BIRC6: variants seen among roughly 807,000 people sequenced by gnomAD.
BIRC6 encodes the protein baculoviral IAP repeat containing 6.
In BIRC6, 98 loss-of-function variants were observed where a neutral mutation model predicts 503.3. The ratio of observed to expected loss-of-function variants is 0.19; its 90% CI spans 0.17 to 0.23. The LOEUF is 0.23. Ranked by LOEUF, BIRC6 falls within the 10% of genes least tolerant of loss-of-function variation. BIRC6 has a pLI of 1.00. For missense variants in BIRC6, 5,360 were observed against 5,806.0 expected (o/e 0.92, Z 2.50); for synonymous variants, 2,240 against 2,078.7 (o/e 1.08, Z -2.11).
chr2:32,387,522 A>G (rs1226373906), intron 3 of BIRC6, among the ~76,000 whole-genome samples: 1 of 152,178 alleles, frequency 6.6e-6, no homozygotes, highest in African/African-American at 2.4e-5. Flanking sequence ...GTCTAACTTC[A>G]GTAATTGTTG....
chr2:32,589,704 A>G (rs2061288258), intron 66 of BIRC6, among the ~76,000 whole-genome samples: 1 of 152,140 alleles, frequency 6.6e-6, no homozygotes, highest in Non-Finnish European at 1.5e-5. Context: ...ATTTATTTTA[A>G]CATCTCTTCT....
At chr2:32,539,473 C>G (rs540413296) in intron 61 of BIRC6, among the ~76,000 whole-genome samples, 5 of 152,226 alleles carry the variant, frequency 3.3e-5, no homozygotes, top group Non-Finnish European at 7.4e-5. Flanking sequence ...AAAATCAAAC[C>G]CAGTATGTTC....
At chr2:32,393,467 C>T (rs1038959306) in intron 5 of BIRC6, among the ~76,000 whole-genome samples, 4 of 152,178 alleles carry the variant, frequency 2.6e-5, no homozygotes, top group Non-Finnish European at 5.9e-5. Context: ...TCTAAGAAAT[C>T]TAATACTTAT....
chr2:32,381,637 G>A (rs1234356532), intron 3 of BIRC6, among the ~76,000 whole-genome samples: 1 of 148,242 alleles, frequency 6.7e-6, no homozygotes, highest in Non-Finnish European at 1.5e-5. Flanking sequence ...CCTCCGCCTC[G>A]TGGATTCAAG....
intron 38 of BIRC6, among the ~76,000 whole-genome samples, chr2:32,481,679 T>A (rs890192929): frequency 6.6e-6 from 1 of 151,584 alleles, no homozygotes; most frequent in Non-Finnish European, 1.5e-5. Context: ...GGCAGGAGAA[T>A]GGCATGAACC....
rs150808140 is a variant in BIRC6, at chr2:32,464,648, T to C, written c.5081T>C (p.Ile1694Thr). The C allele has an allele frequency of 1.7e-5, 27 of 1,613,868 alleles. No homozygotes were observed. Among genetic ancestry groups the C allele is most frequent in the South Asian group, 5.5e-5 (5 of 91,086 alleles). The change falls in exon 25 of 74, where the codon ATT becomes ACT. Residue 1694 changes from isoleucine (I) to threonine (T), a missense_variant. This residue lies in a region of BIRC6 where 2,299 missense variants were observed against 2,267.2 expected (regional missense o/e 1.01). Transcript: ENST00000421745. ...PGFFIHPSDV[I>T]PPTPKTTPLF... is the part of the protein sequence containing the mutation. Reference sequence around the variant, plus strand: ...TTCTTCATTCATCCATCTGATGTTATTCCACCCACTCCAAAAACAACACCT... The same window carrying C: ...TTCTTCATTCATCCATCTGATGTTACTCCACCCACTCCAAAAACAACACCT...
intron 1 of BIRC6, among the ~76,000 whole-genome samples, chr2:32,359,959 T>C (rs764732181): frequency 2.6e-5 from 4 of 152,202 alleles, no homozygotes; most frequent in Non-Finnish European, 5.9e-5. Flanking sequence ...CTGCATTTTA[T>C]GTTTTACTTA....
chr2:32,601,303 C>T (rs866501864), intron 70 of BIRC6, among the ~76,000 whole-genome samples: 13 of 152,136 alleles, frequency 8.5e-5, no homozygotes, highest in Admixed American at 6.6e-4. Flanking sequence ...CCACCTACGC[C>T]GGGCGTGGTG....
At chr2:32,463,501 G>A in intron 24 of BIRC6, 120 bp downstream of exon 24, 2 of 972,326 alleles carry the variant, frequency 2.1e-6, no homozygotes. Context: ...GAGCTAATCA[G>A]TTTCAACAAA....
chr2:32,551,162 A>T (rs1347339020), intron 65 of BIRC6, among the ~76,000 whole-genome samples: 1 of 151,720 alleles, frequency 6.6e-6, no homozygotes, highest in East Asian at 1.9e-4. Flanking sequence ...GATTGTTTTC[A>T]GGAAAACACA....
At chr2:32,381,483 G>T (rs1470760757) in intron 3 of BIRC6, among the ~76,000 whole-genome samples, 1 of 150,954 alleles carries the variant, frequency 6.6e-6, no homozygotes, top group Non-Finnish European at 1.5e-5. Context: ...CAGGTGATCT[G>T]CCTGCCTTGG....
chr2:32,517,426 A>C (rs533944627), intron 55 of BIRC6, among the ~76,000 whole-genome samples: 1 of 152,350 alleles, frequency 6.6e-6, no homozygotes, highest in East Asian at 1.9e-4. Flanking sequence ...TATCTCTGCT[A>C]AATATGCATT....
chr2:32,467,491 A>C (rs777922868), intron 26 of BIRC6, 34 bp from the exon 27 acceptor site: 1 of 1,548,802 alleles, frequency 6.5e-7, no homozygotes, highest in South Asian at 1.1e-5. Context: ...TAATTGATAT[A>C]TTTTTGGTCA....
At chr2:32,446,297 A>G (rs1017899985) in intron 21 of BIRC6, among the ~76,000 whole-genome samples, 5 of 152,230 alleles carry the variant, frequency 3.3e-5, no homozygotes, top group African/African-American at 4.8e-5. Context: ...TATAGGTGGA[A>G]TTATGTGAGT....
In BIRC6 at chr2:32,436,852, C is replaced by A. The variant is rs1307448976; in HGVS notation, c.3631+668C>A. 2.0e-5 allele frequency among the ~76,000 whole-genome samples: 3 copies of A among 151,642 alleles called. No individual in the cohort carries two copies. In the East Asian group the frequency reaches 5.8e-4, roughly 29 times the overall value. ...GTGTTGGGATTACAGGCGTCAGCAC[C>A]GCACCTGGCCAAGAGAGGTTTTTTT... is the stretch of plus-strand genomic sequence containing the variant. On this transcript the variant is annotated intron_variant, in intron 15 of 73. Transcript: ENST00000421745.
Position 32,531,402 on chromosome 2 carries a change from C to A in BIRC6, c.12142C>A (p.Pro4048Thr). 4 of 1,613,742 alleles carry A rather than the reference C, an allele frequency of 2.5e-6. No individual in the cohort carries two copies. Among genetic ancestry groups the A allele is most frequent in the Non-Finnish European group, 3.4e-6 (4 of 1,179,762 alleles). Residue 4048 changes from proline (P) to threonine (T), a missense_variant, in exon 61 of 74, where the codon CCA (proline) becomes ACA (threonine). This residue lies in a region of BIRC6 where 878 missense variants were observed against 928.9 expected (regional missense o/e 0.95). Transcript: ENST00000421745. ...ASCPEDEALT[P>T]GDECMDGILD... ...CTGTCCAGAAGATGAGGCTCTCACTCCAGGTGATGAATGCATGGATGGGAT... is the reference window on the plus strand; with the variant it reads ...CTGTCCAGAAGATGAGGCTCTCACTACAGGTGATGAATGCATGGATGGGAT...
intron 22 of BIRC6, among the ~76,000 whole-genome samples, chr2:32,449,779 T>A (rs2046479096): frequency 6.6e-6 from 1 of 152,252 alleles, no homozygotes; most frequent in African/African-American, 2.4e-5. Flanking sequence ...GTTAACTGGA[T>A]GTTTAGCTAT....
At chr2:32,550,291 T>TA (rs1198263230) in intron 65 of BIRC6, among the ~76,000 whole-genome samples, 3 of 152,206 alleles carry the variant, frequency 2.0e-5, no homozygotes, top group Non-Finnish European at 4.4e-5. Flanking sequence ...TTGTGGTTGG[T>TA]AGCAGCTAAG....
chr2:32,408,805 A>G lies in BIRC6; in HGVS notation c.1477+2248A>G, dbSNP rs542875909. 5.3e-5 allele frequency among the ~76,000 whole-genome samples: 8 copies of G among 152,350 alleles called. No homozygotes were observed. In the South Asian group the frequency reaches 1.4e-3, roughly 28 times the overall value. ...TAAAAATTGTCTTTATGTATTAAAC[A>G]GTAGCTGTGGTAAGAGAAAATATCT... On this transcript the variant is annotated intron_variant, in intron 9 of 73. Transcript: ENST00000421745.
Sources: allele counts gnomAD v4.1 joint callset (sites outside exome capture counted in the v4.1 genomes callset), GRCh38; gene constraint gnomAD v4.1.1; regional missense constraint gnomAD v4.1.1; transcripts MANE v1.5; gene names NCBI Gene and HGNC (gene_info 2026-07-23, HGNC 2026-07-21).